The following SNX2 variants were observed in gnomAD, a reference collection of about 807,000 sequenced individuals.
The protein encoded by SNX2 is sorting nexin 2, also known as sorting nexin-2.
A neutral mutation model predicts 69.9 loss-of-function variants in SNX2; 25 were observed. The ratio of observed to expected loss-of-function variants is 0.36; its 90% CI spans 0.26 to 0.50. The LOEUF is 0.50. SNX2 is among the 20% of genes least tolerant of loss of function. The pLI, the probability that SNX2 is intolerant of heterozygous loss-of-function variation, is 0.97. For missense variants in SNX2, 551 were observed against 613.3 expected (o/e 0.90, Z 1.07); for synonymous variants, 229 against 200.4 (o/e 1.14, Z -1.20).
At position 122,795,390 on chromosome 5, in the gene SNX2, G is replaced by T. The variant is rs1169569376; in HGVS notation, c.226+7G>T. On this transcript the variant is annotated splice_region_variant and intron_variant, in intron 2 of 14. Transcript: ENST00000379516. Reference sequence around the variant, plus strand: ...AGAGAAGATCTTTTTGCAGGTAATTGTCATGTATTTATTTTTTAATAATGG... The same window carrying T: ...AGAGAAGATCTTTTTGCAGGTAATTTTCATGTATTTATTTTTTAATAATGG... The T allele has an allele frequency of 2.6e-6, 4 of 1,546,502 alleles. No homozygotes were observed. Among genetic ancestry groups the T allele is most frequent in the South Asian group, 2.3e-5 (2 of 88,060 alleles).
chr5:122,800,420 A>T (rs916390443), intron 3 of SNX2, among the ~76,000 whole-genome samples: 6 of 152,216 alleles, frequency 3.9e-5, no homozygotes, highest in Non-Finnish European at 7.3e-5. Flanking sequence ...CCACATAAAA[A>T]ATATAAACAA....
chr5:122,776,750 A>C (rs1033942859), intron 1 of SNX2, among the ~76,000 whole-genome samples: 1 of 152,174 alleles, frequency 6.6e-6, no homozygotes, highest in African/African-American at 2.4e-5. Flanking sequence ...CCTAGTGTGA[A>C]CTAGAATACT....
intron 7 of SNX2, among the ~76,000 whole-genome samples, chr5:122,810,613 G>A (rs3776189): frequency 6.6e-6 from 1 of 151,820 alleles, no homozygotes; most frequent in Non-Finnish European, 1.5e-5. Flanking sequence ...CTACCTTTAC[G>A]TTTCTTCCAA....
chr5:122,816,747 A>C (rs1240484220), intron 8 of SNX2, among the ~76,000 whole-genome samples, 168 bp from the exon 9 acceptor site: 2 of 149,700 alleles, frequency 1.3e-5, no homozygotes, highest in Non-Finnish European at 3.0e-5. Flanking sequence ...AGTATATTTG[A>C]GAAATTAGAT....
Position 122,817,002 on chromosome 5 carries a change from A to G in SNX2, c.886A>G (p.Thr296Ala). The G allele has an allele frequency of 6.2e-7, 1 of 1,609,644 alleles. No homozygotes were observed. The highest frequency in any genetic ancestry group is 8.5e-7 in the Non-Finnish European group (1 of 1,178,136). The change falls in exon 9 of 15, where the codon ACA becomes GCA. Residue 296 changes from threonine to alanine, a missense_variant. Thr to Ala is a moderately conservative substitution (Grantham distance 58). Coordinates refer to ENST00000379516, the MANE Select transcript of SNX2 (RefSeq NM_003100.4). ...GGCTGCCGACGCTGTCAACAAAATG[A>G]CAATCAAGATGAATGAATCGGATGC... ...NKAADAVNKM[T>A]IKMNESDAWF... is the part of the protein sequence containing the mutation.
rs1041527859 is a variant in SNX2 at position 122,830,975 on chromosome 5, C to T, written c.*1327C>T. Among the ~76,000 whole-genome samples the T allele has an allele frequency of 2.9e-5, 4 of 138,594 alleles. No homozygotes were observed. Among genetic ancestry groups the T allele is most frequent in the South Asian group, 2.2e-4 (1 of 4,450 alleles). The allele number at this position is 138,594 out of a possible 152,430, so 90.9% of individuals were successfully genotyped here. On this transcript the variant is annotated 3_prime_UTR_variant, in exon 15 of 15. Transcript: ENST00000379516. ...AGTGAGCCAAGATCATGCCGTTGCA[C>T]GCCAGCCTAGGCAACAAAAGCAAAA...
intron 7 of SNX2, among the ~76,000 whole-genome samples, chr5:122,814,943 G>T (rs1753870175): frequency 6.6e-6 from 1 of 152,094 alleles, no homozygotes; most frequent in African/African-American, 2.4e-5. Context: ...TAGAGATGGG[G>T]TTTCACCATC....
intron 1 of SNX2, among the ~76,000 whole-genome samples, chr5:122,778,708 A>G (rs1752907084): frequency 1.3e-5 from 2 of 152,138 alleles, no homozygotes; most frequent in East Asian, 3.9e-4. Context: ...GACTGCAGTC[A>G]GATAATATCT....
At chr5:122,790,535 A>G (rs548296103) in intron 1 of SNX2, among the ~76,000 whole-genome samples, 1 of 152,164 alleles carries the variant, frequency 6.6e-6, no homozygotes, top group African/African-American at 2.4e-5. Flanking sequence ...TTTCCCAATG[A>G]GTGGTCAAAG....
intron 6 of SNX2, among the ~76,000 whole-genome samples, chr5:122,806,167 C>G (rs539938607): frequency 1.4e-4 from 20 of 147,718 alleles, no homozygotes; most frequent in South Asian, 8.8e-4. Flanking sequence ...CACACACACA[C>G]AGCCCACCAT....
At position 122,817,337 on chromosome 5, in the gene SNX2, C is replaced by G; in HGVS notation, c.970C>G (p.His324Asp). ...ENLDQQLRKL[H>D]VSVEALVCHR... Reference sequence around the variant, plus strand: ...TCTGGATCAGCAACTTAGGAAACTTCATGTCAGTGTTGAAGCCTTGGTCTG... The same window carrying G: ...TCTGGATCAGCAACTTAGGAAACTTGATGTCAGTGTTGAAGCCTTGGTCTG... Residue 324 changes from histidine (H) to aspartate (D), a missense_variant, in exon 10 of 15, where the codon CAT becomes GAT. Transcript: ENST00000379516. 1 of 1,613,914 alleles carries G rather than the reference C, an allele frequency of 6.2e-7. No homozygotes were observed. Among genetic ancestry groups the G allele is most frequent in the Non-Finnish European group, 8.5e-7 (1 of 1,179,906 alleles).
Position 122,775,173 on chromosome 5 carries a change from G to C in SNX2, c.70G>C (p.Gly24Arg), listed in dbSNP as rs146742044. The stretch of plus-strand genomic sequence containing the variant: ...CACCGACTTTGAGGATCTGGAGGAC[G>C]GAGAGGACCTGTTCACCAGCACTGT... ...KPTDFEDLED[G>R]EDLFTSTVST... The change falls in exon 1 of 15, where the codon GGA (glycine) becomes CGA (arginine). Residue 24 changes from glycine (G) to arginine (R), a missense_variant. By Grantham distance (125) the Gly-to-Arg change is moderately radical (BLOSUM62 -2). Transcript: ENST00000379516. 11 of 1,595,020 alleles carry C rather than the reference G, an allele frequency of 6.9e-6. No homozygotes were observed. The highest frequency in any genetic ancestry group is 8.5e-6 in the Non-Finnish European group (10 of 1,172,510).
rs1458888796 is a variant in SNX2 at position 122,833,637 on chromosome 5, C to G, written c.*3989C>G. 1 of 152,124 alleles carries G rather than the reference C, an allele frequency of 6.6e-6. No individual in the cohort carries two copies. The highest frequency in any genetic ancestry group is 2.4e-5 in the African/African-American group (1 of 41,422). 9.4% of individuals were successfully genotyped at this position (152,124 alleles called of 1,614,324 possible). ...ATGGACAGCATAGGTTTAGACAATGCCTATTCAACTATTCAACTTGTTTTA... is the reference window on the plus strand; with the variant it reads ...ATGGACAGCATAGGTTTAGACAATGGCTATTCAACTATTCAACTTGTTTTA... On this transcript the variant is annotated 3_prime_UTR_variant, in exon 15 of 15. Coordinates refer to ENST00000379516, the MANE Select transcript of SNX2 (RefSeq NM_003100.4).
intron 1 of SNX2, chr5:122,775,539 G>A (rs986227069): frequency 1.8e-5 from 19 of 1,032,898 alleles, no homozygotes; most frequent in African/African-American, 8.5e-5. Flanking sequence ...GCCGGAGAAG[G>A]GCTTGCTCTG....
intron 7 of SNX2, 191 bp downstream of exon 7, chr5:122,808,546 A>G (rs961347765): frequency 2.2e-6 from 1 of 448,332 alleles, no homozygotes; most frequent in Non-Finnish European, 3.9e-6. Context: ...ATTGTTCTGT[A>G]TAATTTTTAG....
intron 1 of SNX2, among the ~76,000 whole-genome samples, chr5:122,794,476 A>C (rs954987440): frequency 6.6e-6 from 1 of 152,172 alleles, no homozygotes; most frequent in African/African-American, 2.4e-5. Flanking sequence ...AGTGCTTTGA[A>C]CTTCTTGGAC....
chr5:122,806,142 G>GCGCACGCACGCACACACACACACACA, intron 6 of SNX2, among the ~76,000 whole-genome samples: 3 of 130,656 alleles, frequency 2.3e-5, no homozygotes, highest in Non-Finnish European at 3.3e-5. Flanking sequence ...ACACGCGCGC[G>GCGCACGCACGCACACACACACACACA]CACACACACA....
At chr5:122,781,286 ACTTT>A (rs1395641980) in intron 1 of SNX2, among the ~76,000 whole-genome samples, 2 of 152,180 alleles carry the variant, frequency 1.3e-5, no homozygotes, top group Non-Finnish European at 2.9e-5. Context: ...TTAGAGTTTG[ACTTT>A]CTTTAACTTA....
intron 1 of SNX2, chr5:122,775,523 C>G: frequency 9.5e-7 from 1 of 1,056,262 alleles, no homozygotes; most frequent in South Asian, 4.3e-5. Flanking sequence ...ACGTCCTCCT[C>G]TTCAAGCCGG....
Sources: allele counts gnomAD v4.1 joint callset (sites outside exome capture counted in the v4.1 genomes callset), GRCh38; gene constraint gnomAD v4.1.1; transcripts MANE v1.5; gene names NCBI Gene and HGNC (gene_info 2026-07-23, HGNC 2026-07-21).